Variants in ITGB5 observed in about 807,000 individuals in gnomAD.
ITGB5 encodes the protein integrin beta-5.
In ITGB5, 38 loss-of-function variants were observed where a neutral mutation model predicts 84.8. That is an observed-to-expected ratio of 0.45 (90% CI 0.35 to 0.59). The LOEUF is 0.59. Among genes scored for constraint, ITGB5 ranks in the 20% least tolerant of loss-of-function variants. The probability of loss-of-function intolerance (pLI) is 0.01; values close to 1 mark genes in which losing one functional copy is unlikely to be tolerated. For missense variants in ITGB5, 905 were observed against 1,034.5 expected (o/e 0.87, Z 1.72); for synonymous variants, 393 against 414.4 (o/e 0.95, Z 0.63).
At chr3:124,763,818 GC>G in intron 14 of ITGB5, 100 bp from the exon 15 acceptor site, 1 of 678,718 alleles carries the variant, frequency 1.5e-6, no homozygotes, top group Non-Finnish European at 2.7e-6. Flanking sequence ...TCAGCCCCCT[GC>G]GACAGCAGCA....
At chr3:124,787,205 G>T (rs184749795) in intron 10 of ITGB5, among the ~76,000 whole-genome samples, 1 of 152,286 alleles carries the variant, frequency 6.6e-6, no homozygotes, top group East Asian at 1.9e-4. Context: ...CTAAGTAGAG[G>T]GAGTGGGACG....
Position 124,868,021 on chromosome 3 carries a change from A to C in ITGB5, c.156+5425T>G, listed in dbSNP as rs113335148. On this transcript the variant is annotated intron_variant, in intron 2 of 14. Coordinates refer to ENST00000296181, the MANE Select transcript of ITGB5 (RefSeq NM_002213.5). ...TATGCTGTTCTCTTGATGGTGAGTG[A>C]GTTCTCCTGAGATCTGATAGTTTCA... Among the ~76,000 whole-genome samples, 433 of 152,182 alleles carry C rather than the reference A, an allele frequency of 2.8e-3. 1 individual carries two copies. Among genetic ancestry groups the C allele is most frequent in the African/African-American group, 9.7e-3 (402 of 41,526 alleles).
At chr3:124,858,084 A>C (rs1419075850) in intron 3 of ITGB5, among the ~76,000 whole-genome samples, 1 of 151,426 alleles carries the variant, frequency 6.6e-6, no homozygotes, top group Non-Finnish European at 1.5e-5. Context: ...CAATGAGCCA[A>C]GACTGTGCCA....
At chr3:124,854,454 T>C (rs2065195731) in intron 3 of ITGB5, among the ~76,000 whole-genome samples, 1 of 152,206 alleles carries the variant, frequency 6.6e-6, no homozygotes, top group Admixed American at 6.5e-5. Context: ...AAGTACATGC[T>C]ACAACATGGA....
chr3:124,836,419 C>T (rs1331231750), intron 5 of ITGB5, among the ~76,000 whole-genome samples: 3 of 151,082 alleles, frequency 2.0e-5, no homozygotes, highest in Admixed American at 1.3e-4. Flanking sequence ...GCACTCCAGC[C>T]TGGGCGATAG....
chr3:124,864,307 C>T (rs939626449), intron 2 of ITGB5, among the ~76,000 whole-genome samples: 13 of 151,576 alleles, frequency 8.6e-5, no homozygotes, highest in African/African-American at 1.5e-4. Flanking sequence ...AGGGTTTCAC[C>T]GTGTTTGCTA....
At chr3:124,881,204 G>A (rs539650849) in intron 1 of ITGB5, among the ~76,000 whole-genome samples, 154 of 152,038 alleles carry the variant, frequency 1.0e-3, no homozygotes, top group South Asian at 2.3e-3. Flanking sequence ...GGGTGGTCTC[G>A]AACTCCTGAC....
chr3:124,851,815 G>A (rs192939251), intron 3 of ITGB5, among the ~76,000 whole-genome samples: 41 of 152,228 alleles, frequency 2.7e-4, no homozygotes, highest in Non-Finnish European at 5.1e-4. Context: ...TGAATAGGCC[G>A]TGGCAATGAC....
intron 10 of ITGB5, chr3:124,792,468 G>A (rs1303876483): frequency 1.3e-5 from 2 of 152,228 alleles, no homozygotes; most frequent in African/African-American, 2.4e-5. Flanking sequence ...TGATGCACAC[G>A]AAACAGCCTG....
At chr3:124,796,877 C>T (rs2064238288) in intron 9 of ITGB5, 60 bp from the exon 10 acceptor site, 1 of 1,513,294 alleles carries the variant, frequency 6.6e-7, no homozygotes, top group Non-Finnish European at 8.9e-7. Flanking sequence ...TCCCATTCAC[C>T]CAGGGGCAGG....
chr3:124,786,461 C>CA (rs2064083203), intron 10 of ITGB5, among the ~76,000 whole-genome samples: 2 of 151,980 alleles, frequency 1.3e-5, no homozygotes, highest in South Asian at 4.2e-4. Flanking sequence ...TGCTAAAGGC[C>CA]AACTTCATGA....
chr3:124,890,987 C>T (rs1361865132), upstream of ITGB5, among the ~76,000 whole-genome samples: 3 of 152,108 alleles, frequency 2.0e-5, no homozygotes, highest in Admixed American at 1.3e-4. Context: ...AACTCCCCCC[C>T]CAGCCACTGG....
At chr3:124,783,628 C>A (rs1441383731) in intron 10 of ITGB5, among the ~76,000 whole-genome samples, 2 of 152,154 alleles carry the variant, frequency 1.3e-5, no homozygotes, top group Non-Finnish European at 2.9e-5. Context: ...AGAAAAGGAA[C>A]AGAAGTATTA....
chr3:124,870,276 G>T (rs1196458210), intron 2 of ITGB5, among the ~76,000 whole-genome samples: 1 of 152,188 alleles, frequency 6.6e-6, no homozygotes, highest in Non-Finnish European at 1.5e-5. Context: ...ACAAAAAGAG[G>T]TTATAAATAC....
chr3:124,773,078 GT>G (rs1376793128), intron 11 of ITGB5, among the ~76,000 whole-genome samples: 1 of 152,010 alleles, frequency 6.6e-6, no homozygotes, highest in Non-Finnish European at 1.5e-5. Flanking sequence ...GCTAATTTTT[GT>G]ATTTTTAGTA....
At chr3:124,790,459 ACCGC>A (rs2064133436) in intron 10 of ITGB5, among the ~76,000 whole-genome samples, 6 of 148,252 alleles carry the variant, frequency 4.0e-5, no homozygotes, top group East Asian at 2.0e-4. Flanking sequence ...GGTTATCAGA[ACCGC>A]CTTTGACTAG....
At chr3:124,782,489 A>G (rs1030355332) in intron 10 of ITGB5, among the ~76,000 whole-genome samples, 2 of 152,234 alleles carry the variant, frequency 1.3e-5, no homozygotes, top group African/African-American at 4.8e-5. Flanking sequence ...ACAGGACTGA[A>G]TCCAAATTAG....
Position 124,861,373 on chromosome 3 carries a change from G to A in ITGB5, c.157-1927C>T, listed in dbSNP as rs187462061. On this transcript the variant is annotated intron_variant, in intron 2 of 14. Transcript: ENST00000296181. Reference sequence around the variant, plus strand: ...TGCCAGCATTTTAGGAGGCTGAGGCGGGAGGATCGCTCGAGCCCAGGAGCT... The same window carrying A: ...TGCCAGCATTTTAGGAGGCTGAGGCAGGAGGATCGCTCGAGCCCAGGAGCT... Among the ~76,000 whole-genome samples, 12 of 151,286 alleles carry A rather than the reference G, an allele frequency of 7.9e-5. No homozygotes were observed. The East Asian group carries it at 1.2e-3, about 15-fold the overall frequency.
intron 5 of ITGB5, among the ~76,000 whole-genome samples, chr3:124,825,854 C>T (rs2064778566): frequency 6.6e-6 from 1 of 152,004 alleles, no homozygotes; most frequent in Admixed American, 6.6e-5. Flanking sequence ...AATCTATCCA[C>T]AAGAAGTATT....
Sources: gnomAD v4.1 joint callset for allele counts (sites outside exome capture counted in the v4.1 genomes callset) on GRCh38, gnomAD v4.1.1 for gene constraint, MANE v1.5 for transcripts, NCBI Gene and HGNC (gene_info 2026-07-23, HGNC 2026-07-21) for gene names.